The following TBL1X variants were observed in gnomAD, a reference collection of about 807,000 sequenced individuals.
TBL1X encodes transducin beta like 1 X-linked, also known as F-box-like/WD repeat-containing protein TBL1X.
Under a neutral mutation model 50.7 loss-of-function variants are expected in TBL1X, and 10 were observed. That is an observed-to-expected ratio of 0.20 (90% confidence interval 0.12 to 0.33). The LOEUF is 0.33. Ranked by LOEUF, TBL1X falls within the 10% of genes least tolerant of loss-of-function variation. TBL1X has a pLI of 1.00. For missense variants in TBL1X, 340 were observed against 504.4 expected, an observed-to-expected ratio of 0.67 and a Z score of 3.12; for synonymous variants, 190 against 214.7, an observed-to-expected ratio of 0.88 and a Z score of 1.01.
At chrX:9,486,159 T>G (rs758234747) in intron 1 of TBL1X, among the ~76,000 whole-genome samples, 1 of 111,245 alleles carries the variant, frequency 9.0e-6, no homozygotes, top group African/African-American at 3.3e-5. Context: ...GCCTGCTACC[T>G]GGAGGCATCA....
intron 2 of TBL1X, among the ~76,000 whole-genome samples, chrX:9,568,703 G>A (rs749637878): frequency 9.3e-6 from 1 of 107,016 alleles, no homozygotes; most frequent in South Asian, 4.2e-4. Flanking sequence ...TGCTGTGTGT[G>A]TTGTGTCTAT....
rs764851731 is a variant in TBL1X at position 9,693,103 on chromosome X, G to C, written c.892-46G>C. ...CTCTCCGAGCTGCTTCGGTGCTGCC[G>C]CTCCTAAGTTGTTTTTGTGGGGTTT... is the stretch of plus-strand genomic sequence containing the variant. On this transcript the variant is annotated intron_variant, in intron 9 of 17. Transcript: ENST00000645353. 6 of 1,199,319 alleles carry C rather than the reference G, an allele frequency of 5.0e-6. No individual in the cohort carries two copies. In the South Asian group the frequency reaches 8.8e-5, roughly 18 times the overall value.
At chrX:9,570,283 G>A (rs1202881357) in intron 2 of TBL1X, among the ~76,000 whole-genome samples, 2 of 111,816 alleles carry the variant, frequency 1.8e-5, no homozygotes, top group African/African-American at 6.5e-5. Context: ...GGAGTGCTGC[G>A]AAGTCTCTGT....
chrX:9,631,557 T>C (rs983427762), intron 2 of TBL1X, among the ~76,000 whole-genome samples: 4 of 112,465 alleles, frequency 3.6e-5, no homozygotes, highest in Non-Finnish European at 7.5e-5. Context: ...TTTAACCTTA[T>C]CACAATCTAT....
intron 12 of TBL1X, among the ~76,000 whole-genome samples, chrX:9,701,988 T>C (rs2083176633): frequency 1.8e-5 from 2 of 111,698 alleles, no homozygotes; most frequent in South Asian, 7.5e-4. Flanking sequence ...CAGGGGGAGC[T>C]GGATGGGGAA....
chrX:9,599,784 A>G (rs1216621832), intron 2 of TBL1X, among the ~76,000 whole-genome samples: 1 of 112,914 alleles, frequency 8.9e-6, no homozygotes, highest in Non-Finnish European at 1.9e-5. Context: ...TGAATATGCC[A>G]CAAACTTTGC....
At chrX:9,568,651 T>C (rs1176109485) in intron 2 of TBL1X, among the ~76,000 whole-genome samples, 1 of 106,177 alleles carries the variant, frequency 9.4e-6, no homozygotes, top group Non-Finnish European at 1.9e-5. Flanking sequence ...AGGTGCTATG[T>C]GTATGTCGTG....
rs761271579 is a variant in TBL1X, at chrX:9,625,054, A to G, written c.-130-15219A>G. ...TTGAAACTACAGCTTCACTCACTTG[A>G]TACTTGTATGACTATTTTAAGTTCC... On this transcript the variant is annotated intron_variant, in intron 2 of 17. Transcript: ENST00000645353. Among the ~76,000 whole-genome samples, 4 of 112,600 alleles carry G rather than the reference A, an allele frequency of 3.6e-5. No homozygotes were observed. The South Asian group carries it at 1.4e-3, about 40-fold the overall frequency.
At chrX:9,556,163 T>G (rs1159107944) in intron 2 of TBL1X, among the ~76,000 whole-genome samples, 2 of 105,626 alleles carry the variant, frequency 1.9e-5, no homozygotes. Context: ...TATTCCAGCC[T>G]AGGTGCCAGT....
chrX:9,619,341 G>GC (rs754804233), intron 2 of TBL1X, among the ~76,000 whole-genome samples: 1 of 112,145 alleles, frequency 8.9e-6, no homozygotes, highest in South Asian at 3.7e-4. Context: ...TTGTGGGCCA[G>GC]CCCAGGCCTC....
chrX:9,582,080 G>A (rs908064057), intron 2 of TBL1X, among the ~76,000 whole-genome samples: 2 of 112,423 alleles, frequency 1.8e-5, no homozygotes, highest in Non-Finnish European at 3.8e-5. Flanking sequence ...TTTACAAGAA[G>A]CAGGATAACC....
At chrX:9,697,588 A>G (rs894160497) in intron 12 of TBL1X, among the ~76,000 whole-genome samples, 159 bp downstream of exon 12, 3 of 112,077 alleles carry the variant, frequency 2.7e-5, no homozygotes, top group African/African-American at 9.7e-5. Flanking sequence ...CCTGGGCAAC[A>G]TGGCAAAACC....
chrX:9,494,002 T>G (rs2081959783), intron 1 of TBL1X, among the ~76,000 whole-genome samples: 1 of 111,166 alleles, frequency 9.0e-6, no homozygotes, highest in African/African-American at 3.3e-5. Context: ...TCTCTGAGGT[T>G]GTTTTAGCAC....
At chrX:9,483,133 A>T (rs189518769) in intron 1 of TBL1X, among the ~76,000 whole-genome samples, 1 of 111,467 alleles carries the variant, frequency 9.0e-6, no homozygotes, top group East Asian at 2.8e-4. Context: ...CAAGAGAGTT[A>T]TCCAGCCCCA....
At chrX:9,626,052 A>G (rs2082691206) in intron 2 of TBL1X, among the ~76,000 whole-genome samples, 1 of 112,250 alleles carries the variant, frequency 8.9e-6, no homozygotes, top group African/African-American at 3.2e-5. Flanking sequence ...GCAATGTAGT[A>G]AAAGGTCTCC....
intron 7 of TBL1X, among the ~76,000 whole-genome samples, chrX:9,690,298 GC>G (rs1764024661): frequency 8.9e-6 from 1 of 112,244 alleles, no homozygotes; most frequent in African/African-American, 3.2e-5. Context: ...CACACACCAG[GC>G]TGTTTAAGAA....
intron 3 of TBL1X, among the ~76,000 whole-genome samples, chrX:9,648,317 C>T (rs193245088): frequency 1.5e-3 from 169 of 112,295 alleles, no homozygotes; most frequent in Admixed American, 2.1e-3. Context: ...ACATTCCAAA[C>T]TCCATGTTAT....
intron 5 of TBL1X, among the ~76,000 whole-genome samples, chrX:9,662,055 A>G (rs760627445): frequency 5.4e-5 from 6 of 111,338 alleles, no homozygotes; most frequent in Admixed American, 1.9e-4. Flanking sequence ...CTGTGTTCCA[A>G]TGCCCTTCAT....
intron 5 of TBL1X, 176 bp from the exon 6 acceptor site, chrX:9,683,867 C>A: frequency 1.6e-6 from 1 of 614,802 alleles, no homozygotes; most frequent in Non-Finnish European, 2.6e-6. Context: ...TCTCTCCCTG[C>A]CCTTTCCCAC....
Sources: gnomAD v4.1 joint callset for allele counts (sites outside exome capture counted in the v4.1 genomes callset) on GRCh38, gnomAD v4.1.1 for gene constraint, MANE v1.5 for transcripts, NCBI Gene and HGNC (gene_info 2026-07-23, HGNC 2026-07-21) for gene names.